Variants in ASZ1 observed in about 807,000 individuals in gnomAD.
The protein encoded by ASZ1 is ankyrin repeat, SAM and basic leucine zipper domain-containing protein 1.
In ASZ1, 67 loss-of-function variants were observed where a neutral mutation model predicts 61.8. The ratio of observed to expected loss-of-function variants is 1.08; its 90% CI spans 0.89 to 1.33. ASZ1 has a LOEUF of 1.33. Among genes scored for constraint, ASZ1 ranks in the 40% most tolerant of loss-of-function variants. ASZ1 has a pLI of 0.00. For synonymous variants in ASZ1, 193 were observed against 192.7 expected (o/e 1.00, Z -0.01); for missense variants, 577 against 554.5 (o/e 1.04, Z -0.41).
chr7:117,404,690 G>A (rs2116507936), intron 4 of ASZ1, among the ~76,000 whole-genome samples: 1 of 152,224 alleles, frequency 6.6e-6, no homozygotes, highest in East Asian at 1.9e-4. Flanking sequence ...AACTCCCAGA[G>A]GAGGTCCTGC....
chr7:117,399,355 G>T (rs1244079859), intron 4 of ASZ1, among the ~76,000 whole-genome samples: 2 of 152,176 alleles, frequency 1.3e-5, no homozygotes, highest in Non-Finnish European at 2.9e-5. Flanking sequence ...CTTGTCATCT[G>T]CATCTCAGTT....
At chr7:117,380,171 A>C (rs1180832775) in intron 9 of ASZ1, 124 bp from the exon 10 acceptor site, 1 of 626,328 alleles carries the variant, frequency 1.6e-6, no homozygotes, top group Non-Finnish European at 2.8e-6. Context: ...TATTGGAAAA[A>C]TAACACACTT....
intron 3 of ASZ1, among the ~76,000 whole-genome samples, chr7:117,420,784 A>G (rs1797085375): frequency 6.6e-6 from 1 of 152,170 alleles, no homozygotes; most frequent in Non-Finnish European, 1.5e-5. Flanking sequence ...TGTTTCCTAA[A>G]ACTCTTCTTC....
Position 117,426,877 on chromosome 7 carries a change from G to T in ASZ1, c.164C>A (p.Thr55Asn). The T allele has an allele frequency of 6.2e-7, 1 of 1,613,282 alleles. No homozygotes were observed. Among genetic ancestry groups the T allele is most frequent in the Non-Finnish European group, 8.5e-7 (1 of 1,179,848 alleles). The change falls in exon 2 of 13, where the codon ACC (threonine) becomes AAC (asparagine). Residue 55 changes from threonine (T) to asparagine (N), a missense_variant. Transcript: ENST00000284629. ...EKKEKFKKAM[T>N]IGDVSLVQEL... ...CTGGACCAATGAAACATCTCCGATG[G>T]TCATTGCTTTCTTAAATTTTTCTTT...
chr7:117,426,769 T>C (rs1315791647), intron 2 of ASZ1, 67 bp downstream of exon 2: 1 of 1,363,114 alleles, frequency 7.3e-7, no homozygotes, highest in African/African-American at 1.5e-5. Context: ...ATAAACCTTT[T>C]AAAAATAAAG....
At chr7:117,367,572 A>T in intron 11 of ASZ1, 107 bp from the exon 12 acceptor site, 1 of 1,199,410 alleles carries the variant, frequency 8.3e-7, no homozygotes, top group Non-Finnish European at 1.1e-6. Flanking sequence ...TACATAATTG[A>T]AAGGCATTTT....
intron 4 of ASZ1, among the ~76,000 whole-genome samples, chr7:117,407,602 T>G (rs758657957): frequency 2.0e-5 from 3 of 152,142 alleles, no homozygotes; most frequent in Non-Finnish European, 2.9e-5. Flanking sequence ...GAACTAAGAA[T>G]AAAACAATTG....
intron 2 of ASZ1, among the ~76,000 whole-genome samples, chr7:117,425,515 GC>G (rs1377464842): frequency 6.6e-6 from 1 of 151,740 alleles, no homozygotes; most frequent in Non-Finnish European, 1.5e-5. Flanking sequence ...TGATCCGCCC[GC>G]CTTGGACTCC....
intron 2 of ASZ1, among the ~76,000 whole-genome samples, chr7:117,423,557 A>C (rs2116541677): frequency 6.6e-6 from 1 of 152,074 alleles, no homozygotes; most frequent in South Asian, 2.1e-4. Flanking sequence ...AAAGAAAAAG[A>C]AGCAAAGGCC....
At chr7:117,379,168 T>TATATATATACACACAC (rs1161457624) in intron 10 of ASZ1, among the ~76,000 whole-genome samples, 7 of 69,708 alleles carry the variant, frequency 1.0e-4, no homozygotes, top group African/African-American at 3.8e-4. Flanking sequence ...TATATATATA[T>TATATATATACACACAC]ACACACACAC....
intron 3 of ASZ1, among the ~76,000 whole-genome samples, chr7:117,421,052 TA>T (rs1043369574): frequency 3.3e-5 from 5 of 152,330 alleles, no homozygotes; most frequent in East Asian, 1.9e-4. Context: ...GTGGGACACA[TA>T]AAAAACTCAT....
At chr7:117,376,453 G>T (rs1796138306) in intron 10 of ASZ1, among the ~76,000 whole-genome samples, 1 of 152,006 alleles carries the variant, frequency 6.6e-6, no homozygotes, top group Non-Finnish European at 1.5e-5. Flanking sequence ...ATTTTGTGAG[G>T]CCAGTATTGT....
Position 117,382,105 on chromosome 7 carries a change from A to G in ASZ1, c.852T>C (p.His284=), listed in dbSNP as rs1441707913. ...CTGTCATATGTTCAAGTCCAAGACC[A>G]TGTAAAAATACTTCCAGATCTCCAA... The part of the protein sequence containing the change: ...TAFGDLEVFL[H]GLGLEHMTDL... Residue 284 remains histidine, a synonymous_variant, in exon 8 of 13, where the codon CAT becomes CAC. Coordinates refer to ENST00000284629, the MANE Select transcript of ASZ1 (RefSeq NM_130768.3). 1 of 1,600,154 alleles carries G rather than the reference A, an allele frequency of 6.2e-7. No homozygotes were observed. Among genetic ancestry groups the G allele is most frequent in the Non-Finnish European group, 8.6e-7 (1 of 1,167,770 alleles).
intron 4 of ASZ1, among the ~76,000 whole-genome samples, chr7:117,417,238 C>T (rs931805873): frequency 6.6e-6 from 1 of 152,096 alleles, no homozygotes; most frequent in East Asian, 1.9e-4. Context: ...AAGTACGTGA[C>T]CATCTATCTA....
At chr7:117,379,102 G>T (rs1796195363) in intron 10 of ASZ1, among the ~76,000 whole-genome samples, 1 of 141,048 alleles carries the variant, frequency 7.1e-6, no homozygotes, top group Admixed American at 7.5e-5. Flanking sequence ...GAACACGGAA[G>T]TAGTTACATG....
At chr7:117,403,741 C>T (rs993397951) in intron 4 of ASZ1, among the ~76,000 whole-genome samples, 2 of 152,028 alleles carry the variant, frequency 1.3e-5, no homozygotes, top group Non-Finnish European at 2.9e-5. Context: ...CTCCAGTATC[C>T]ACTATAGCAG....
At chr7:117,422,954 T>A (rs570279509) in intron 2 of ASZ1, among the ~76,000 whole-genome samples, 1 of 152,160 alleles carries the variant, frequency 6.6e-6, no homozygotes, top group South Asian at 2.1e-4. Flanking sequence ...CTATTGAGAA[T>A]GGGACAGGAG....
At chr7:117,395,659 T>C (rs1281694266) in intron 4 of ASZ1, among the ~76,000 whole-genome samples, 2 of 152,148 alleles carry the variant, frequency 1.3e-5, no homozygotes, top group Non-Finnish European at 1.5e-5. Flanking sequence ...GTTTGCACAT[T>C]AGTTTTGTAA....
intron 10 of ASZ1, among the ~76,000 whole-genome samples, chr7:117,379,168 T>TATATACACACACACACAC (rs1161457624): frequency 2.9e-5 from 2 of 69,722 alleles, no homozygotes; most frequent in African/African-American, 1.1e-4. Context: ...TATATATATA[T>TATATACACACACACACAC]ACACACACAC....
Sources: allele counts gnomAD v4.1 joint callset (sites outside exome capture counted in the v4.1 genomes callset), GRCh38; gene constraint gnomAD v4.1.1; transcripts MANE v1.5; gene names NCBI Gene and HGNC (gene_info 2026-07-23, HGNC 2026-07-21).